Variants in PCDHA2 observed in about 807,000 individuals in gnomAD.
PCDHA2 encodes protocadherin alpha-2.
Under a neutral mutation model 66.0 loss-of-function variants are expected in PCDHA2, and 58 were observed. The observed-to-expected ratio is 0.88, with a 90% CI of 0.71 to 1.09. PCDHA2 has a LOEUF of 1.09. Among genes scored for constraint, PCDHA2 ranks in the 50% least tolerant of loss-of-function variants. The pLI is 0.00. For synonymous variants in PCDHA2, 634 were observed against 554.0 expected, an observed-to-expected ratio of 1.14 and a Z score of -2.03; for missense variants, 1,267 against 1,242.3, an observed-to-expected ratio of 1.02 and a Z score of -0.30.
intron 1 of PCDHA2, chr5:140,864,603 C>A (rs1230930036): frequency 3.3e-5 from 5 of 152,210 alleles, no homozygotes; most frequent in Non-Finnish European, 7.3e-5. Flanking sequence ...AGATAGCCAA[C>A]AACTTTGTTC....
chr5:140,841,839 G>T, intron 1 of PCDHA2: 1 of 1,613,898 alleles, frequency 6.2e-7, no homozygotes, highest in South Asian at 1.1e-5. Context: ...TACAGGCTTA[G>T]CTCTCATGAT....
intron 3 of PCDHA2, among the ~76,000 whole-genome samples, chr5:140,988,398 C>A (rs531157517): frequency 1.3e-5 from 2 of 152,238 alleles, no homozygotes; most frequent in Non-Finnish European, 2.9e-5. Context: ...TGCCAGAGTT[C>A]TCTTCGCAGC....
At chr5:140,962,747 G>A (rs1385433172) in intron 1 of PCDHA2, among the ~76,000 whole-genome samples, 1 of 152,142 alleles carries the variant, frequency 6.6e-6, no homozygotes, top group Non-Finnish European at 1.5e-5. Flanking sequence ...ATGAAGATCA[G>A]GAATCCTATT....
rs554073823 is a variant in PCDHA2 at position 140,945,407 on chromosome 5, T to C, written c.2389-33542T>C. Among the ~76,000 whole-genome samples, 498 of 152,246 alleles carry C rather than the reference T, an allele frequency of 3.3e-3. 2 individuals carry two copies. Among genetic ancestry groups the C allele is most frequent in the African/African-American group, 0.011 (476 of 41,568 alleles). ...CAATATACAAATTCAATACAATTCG[T>C]ATCAAAATTTCAATGAAGTTTTTAC... On this transcript the variant is annotated intron_variant, in intron 1 of 3. Coordinates refer to ENST00000526136, the MANE Select transcript of PCDHA2 (RefSeq NM_018905.3).
Position 140,848,921 on chromosome 5 carries a change from C to T in PCDHA2, c.2388+51569C>T. ...CAGCGACACAAAAGAATCTGTTCAT[C>T]GCGGAATCCAGGCCGCTTGACTCTC... On this transcript the variant is annotated intron_variant, in intron 1 of 3. Transcript: ENST00000526136. 3.7e-6 allele frequency: 6 copies of T among 1,607,754 alleles called. 1 individual carries two copies. Among genetic ancestry groups the T allele is most frequent in the Non-Finnish European group, 2.5e-6 (3 of 1,176,916 alleles).
At chr5:140,941,651 T>C (rs2093139674) in intron 1 of PCDHA2, among the ~76,000 whole-genome samples, 3 of 152,120 alleles carry the variant, frequency 2.0e-5, no homozygotes, top group Admixed American at 6.6e-5. Context: ...CTACAACTTA[T>C]GTCCAATTTT....
chr5:140,840,869 C>T (rs1554137936), intron 1 of PCDHA2, among the ~76,000 whole-genome samples: 1 of 151,888 alleles, frequency 6.6e-6, no homozygotes, highest in Admixed American at 6.5e-5. Flanking sequence ...CTATGGAGGA[C>T]AGTTTACATT....
intron 1 of PCDHA2, among the ~76,000 whole-genome samples, chr5:140,892,977 G>A (rs188368199): frequency 1.8e-4 from 27 of 152,270 alleles, no homozygotes; most frequent in Admixed American, 6.5e-4. Flanking sequence ...TTTTGTAGCT[G>A]CCGTATAAGT....
At chr5:140,996,503 G>A (rs1306027159) in intron 3 of PCDHA2, among the ~76,000 whole-genome samples, 1 of 152,120 alleles carries the variant, frequency 6.6e-6, no homozygotes, top group African/African-American at 2.4e-5. Context: ...TGGCTTCTTG[G>A]GGCCCAGCAT....
intron 1 of PCDHA2, chr5:140,823,675 C>G (rs2150128153): frequency 3.1e-6 from 5 of 1,614,056 alleles, no homozygotes; most frequent in Non-Finnish European, 4.2e-6. Flanking sequence ...CAGCACAACA[C>G]GCTCTCTGGA....
At chr5:140,899,980 T>TG (rs1202261789) in intron 1 of PCDHA2, among the ~76,000 whole-genome samples, 49 of 152,074 alleles carry the variant, frequency 3.2e-4, no homozygotes, top group African/African-American at 1.1e-3. Flanking sequence ...GCTACTTTTT[T>TG]GATTTTTTTT....
chr5:140,883,290 T>C, intron 1 of PCDHA2: 1 of 1,614,060 alleles, frequency 6.2e-7, no homozygotes, highest in South Asian at 1.1e-5. Context: ...GTGGAAGTAC[T>C]AGATGTAAAT....
intron 1 of PCDHA2, among the ~76,000 whole-genome samples, chr5:140,918,233 T>C (rs1554198474): frequency 6.6e-6 from 1 of 152,210 alleles, no homozygotes; most frequent in South Asian, 2.1e-4. Context: ...TTTTTGTACA[T>C]TGATTTTGTA....
chr5:140,992,463 C>T (rs1416840803), intron 3 of PCDHA2, among the ~76,000 whole-genome samples: 1 of 152,162 alleles, frequency 6.6e-6, no homozygotes, highest in Non-Finnish European at 1.5e-5. Flanking sequence ...GAGGACAGTA[C>T]TCTTTAGATC....
In PCDHA2 at chr5:140,808,976, G is replaced by A. The variant is rs1554124931; in HGVS notation, c.2388+11624G>A. ...CCACGTGGTGGCAAAGGTGCGCGCG[G>A]TGGATGCTGACTCGGGCTACAACGC... On this transcript the variant is annotated intron_variant, in intron 1 of 3. Coordinates refer to ENST00000526136, the MANE Select transcript of PCDHA2 (RefSeq NM_018905.3). The A allele has an allele frequency of 1.2e-6, 2 of 1,613,688 alleles. No individual in the cohort carries two copies. The highest frequency in any genetic ancestry group is 1.1e-5 in the South Asian group (1 of 91,054).
intron 1 of PCDHA2, chr5:140,857,488 C>T: frequency 6.3e-7 from 1 of 1,598,442 alleles, no homozygotes; most frequent in Non-Finnish European, 8.6e-7. Flanking sequence ...CTGCGTGGGA[C>T]GCGGACGCGC....
intron 1 of PCDHA2, chr5:140,881,499 C>A: frequency 3.8e-6 from 1 of 261,884 alleles, no homozygotes; most frequent in Non-Finnish European, 5.9e-6. Context: ...TGCACATACA[C>A]ACACTCACAT....
chr5:141,006,368 C>T (rs1395158727), intron 3 of PCDHA2, among the ~76,000 whole-genome samples: 2 of 152,072 alleles, frequency 1.3e-5, no homozygotes, highest in Non-Finnish European at 2.9e-5. Context: ...CCCACCACCA[C>T]GCCCGGCTAA....
At chr5:140,821,012 A>G (rs2150059416) in intron 1 of PCDHA2, among the ~76,000 whole-genome samples, 1 of 152,226 alleles carries the variant, frequency 6.6e-6, no homozygotes, top group East Asian at 1.9e-4. Context: ...GTTTTCATCG[A>G]TTTGAAAATT....
Sources: allele counts gnomAD v4.1 joint callset (sites outside exome capture counted in the v4.1 genomes callset), GRCh38; gene constraint gnomAD v4.1.1; transcripts MANE v1.5; gene names NCBI Gene and HGNC (gene_info 2026-07-23, HGNC 2026-07-21).